NUMB: variants seen among roughly 807,000 people sequenced by gnomAD.
NUMB encodes the protein protein numb homolog.
NUMB carries 29 observed loss-of-function variants against 59.7 expected under a neutral mutation model. The ratio of observed to expected loss-of-function variants is 0.49; its 90% CI spans 0.36 to 0.66. NUMB has a LOEUF of 0.66. Among genes scored for constraint, NUMB ranks in the 30% least tolerant of loss-of-function variants. The probability of loss-of-function intolerance (pLI) is 0.00; values close to 1 mark genes in which losing one functional copy is unlikely to be tolerated. For missense variants in NUMB, 723 were observed against 822.0 expected, an observed-to-expected ratio of 0.88 and a Z score of 1.47; for synonymous variants, 288 against 288.2, an observed-to-expected ratio of 1.00 and a Z score of 0.01.
chr14:73,386,867 A>ATTTTTTTTTTTT lies in NUMB; in HGVS notation c.-100-19898_-100-19887dup, dbSNP rs71112745. Reference sequence around the variant, plus strand: ...TACAAGACAATCTATCAGGTGTCTTATTTTTTTTTTTTTTTTTTTTTTTTT... The same window carrying ATTTTTTTTTTTT: ...TACAAGACAATCTATCAGGTGTCTTATTTTTTTTTTTTTTTTTTTTTTTTTTTTTTTTTTTTT... On this transcript the variant is annotated intron_variant, in intron 2 of 12. Transcript: ENST00000555238. 3.9e-4 allele frequency among the ~76,000 whole-genome samples: 31 copies of ATTTTTTTTTTTT among 79,840 alleles called. 1 individual carries two copies. Among genetic ancestry groups the ATTTTTTTTTTTT allele is most frequent in the East Asian group, 5.4e-4 (1 of 1,850 alleles). The allele number at this position is 79,840 out of a possible 152,430, so 52.4% of individuals were successfully genotyped here. A position where few individuals can be genotyped will look rare whatever the true frequency, so the allele number is the denominator to read the frequency against.
chr14:73,374,366 A>G (rs984486532), intron 2 of NUMB, among the ~76,000 whole-genome samples: 5 of 150,042 alleles, frequency 3.3e-5, no homozygotes, highest in African/African-American at 2.5e-5. Flanking sequence ...AGTCACTGGC[A>G]AAGAAGAATT....
intron 4 of NUMB, among the ~76,000 whole-genome samples, chr14:73,329,218 G>A (rs950542284): frequency 1.3e-5 from 2 of 152,066 alleles, no homozygotes; most frequent in African/African-American, 2.4e-5. Flanking sequence ...TTTTCATCTC[G>A]ATGAGGTTAA....
chr14:73,429,944 C>CAA (rs536071845), intron 1 of NUMB, among the ~76,000 whole-genome samples: 2 of 120,794 alleles, frequency 1.7e-5, no homozygotes, highest in East Asian at 2.3e-4. Context: ...GACTCTGTCT[C>CAA]AAAAAAAAAA....
At chr14:73,449,140 A>G (rs983435116) in intron 1 of NUMB, among the ~76,000 whole-genome samples, 9 of 152,174 alleles carry the variant, frequency 5.9e-5, no homozygotes, top group African/African-American at 2.2e-4. Flanking sequence ...TATTACTTTT[A>G]ATGGCAAAAG....
chr14:73,393,711 A>T (rs1895972155), intron 2 of NUMB, among the ~76,000 whole-genome samples: 1 of 152,194 alleles, frequency 6.6e-6, no homozygotes. Context: ...TATTCTTTTC[A>T]CCAATACTTG....
At chr14:73,323,072 T>C (rs1459234949) in intron 5 of NUMB, 58 bp downstream of exon 5, 1 of 1,363,690 alleles carries the variant, frequency 7.3e-7, no homozygotes, top group African/African-American at 1.4e-5. Flanking sequence ...CTGAGCAAAA[T>C]CTTTTAAGAA....
chr14:73,305,122 A>G (rs992000399), intron 6 of NUMB, among the ~76,000 whole-genome samples: 2 of 152,142 alleles, frequency 1.3e-5, no homozygotes, highest in Non-Finnish European at 2.9e-5. Flanking sequence ...TTTGTGAAGG[A>G]CCAGACAACA....
At chr14:73,318,606 T>C (rs1057389099) in intron 5 of NUMB, among the ~76,000 whole-genome samples, 5 of 152,174 alleles carry the variant, frequency 3.3e-5, no homozygotes, top group African/African-American at 4.8e-5. Flanking sequence ...TTGGCTGATA[T>C]ATGACAATAT....
intron 1 of NUMB, among the ~76,000 whole-genome samples, chr14:73,456,739 T>C (rs552144286): frequency 6.6e-6 from 1 of 152,352 alleles, no homozygotes; most frequent in East Asian, 1.9e-4. Context: ...TTAAAGTTGC[T>C]ACCATTATTA....
intron 1 of NUMB, among the ~76,000 whole-genome samples, chr14:73,456,353 G>C (rs929585118): frequency 6.6e-6 from 1 of 152,012 alleles, no homozygotes; most frequent in Non-Finnish European, 1.5e-5. Context: ...CAAGTGATCC[G>C]CCCGCCTTGG....
In NUMB at chr14:73,287,268, A is replaced by G; in HGVS notation, c.497T>C (p.Leu166Ser). ...HAVGCAFAACLERKQKREKEC... is the reference protein window; with the variant it reads ...HAVGCAFAACSERKQKREKEC... ...CTTCTCCCGCTTCTGCTTGCGCTCTAAACAGGCTGCAAAAGCACAGCCTAC... is the reference window on the plus strand; with the variant it reads ...CTTCTCCCGCTTCTGCTTGCGCTCTGAACAGGCTGCAAAAGCACAGCCTAC... The change falls in exon 9 of 13, where the codon TTA becomes TCA. Residue 166 changes from leucine (L) to serine (S), a missense_variant. Coordinates refer to ENST00000555238, the MANE Select transcript of NUMB (RefSeq NM_001005743.2). 1 of 1,613,760 alleles carries G rather than the reference A, an allele frequency of 6.2e-7. No homozygotes were observed. Among genetic ancestry groups the G allele is most frequent in the Non-Finnish European group, 8.5e-7 (1 of 1,179,962 alleles).
Position 73,331,479 on chromosome 14 carries a change from C to T in NUMB, c.127-8275G>A, listed in dbSNP as rs535221357. Among the ~76,000 whole-genome samples the T allele has an allele frequency of 1.0e-3, 154 of 152,144 alleles. 4 individuals are homozygous for T. In the South Asian group the frequency reaches 0.03, roughly 30 times the overall value. On this transcript the variant is annotated intron_variant, in intron 4 of 12. Transcript: ENST00000555238. ...AGGAGAATGGCATGAACCAGGGAGG[C>T]GGAGCTTGCAGTGAGCTGAGATCGT...
chr14:73,431,992 A>G (rs1897853824), intron 1 of NUMB, among the ~76,000 whole-genome samples: 1 of 152,112 alleles, frequency 6.6e-6, no homozygotes, highest in Non-Finnish European at 1.5e-5. Flanking sequence ...AAAAAAATTC[A>G]GGTATTTTAG....
chr14:73,342,443 T>C (rs1358952099), intron 4 of NUMB, among the ~76,000 whole-genome samples: 2 of 152,200 alleles, frequency 1.3e-5, no homozygotes, highest in South Asian at 2.1e-4. Context: ...GTGCAGAAGA[T>C]TGTCACACAG....
At chr14:73,332,201 T>C (rs946097051) in intron 4 of NUMB, among the ~76,000 whole-genome samples, 3 of 152,158 alleles carry the variant, frequency 2.0e-5, no homozygotes, top group South Asian at 4.1e-4. Flanking sequence ...GTAAGTCCAG[T>C]GCCTTCAAAA....
intron 3 of NUMB, among the ~76,000 whole-genome samples, chr14:73,362,063 C>G (rs1894120315): frequency 2.0e-5 from 3 of 152,096 alleles, no homozygotes; most frequent in Non-Finnish European, 4.4e-5. Flanking sequence ...TCGAGACCAG[C>G]CTGGACAACA....
intron 1 of NUMB, among the ~76,000 whole-genome samples, chr14:73,436,152 C>A (rs941056551): frequency 3.9e-5 from 6 of 151,948 alleles, no homozygotes; most frequent in African/African-American, 1.5e-4. Context: ...AATGAGGATG[C>A]CTATTTTTAG....
chr14:73,333,174 A>G (rs1892087025), intron 4 of NUMB, among the ~76,000 whole-genome samples: 1 of 152,210 alleles, frequency 6.6e-6, no homozygotes. Context: ...TTTTCACAGA[A>G]GCTGAACCAC....
chr14:73,394,980 C>T (rs1896044535), intron 2 of NUMB, among the ~76,000 whole-genome samples: 1 of 150,574 alleles, frequency 6.6e-6, no homozygotes, highest in Admixed American at 6.7e-5. Context: ...CCTCCAGGTT[C>T]ATCCACAATG....
Sources: gnomAD v4.1 joint callset for allele counts (sites outside exome capture counted in the v4.1 genomes callset) on GRCh38, gnomAD v4.1.1 for gene constraint, MANE v1.5 for transcripts, NCBI Gene and HGNC (gene_info 2026-07-23, HGNC 2026-07-21) for gene names.